Variants in WWOX observed in about 807,000 individuals in gnomAD.
The protein encoded by WWOX is WW domain containing oxidoreductase, also known as WW domain-containing oxidoreductase.
WWOX carries 69 observed loss-of-function variants against 46.2 expected under a neutral mutation model. That is an observed-to-expected ratio of 1.49 (90% CI 1.23 to 1.82). The LOEUF is 1.82. WWOX is among the 40% of genes most tolerant of loss of function. The pLI, the probability that WWOX is intolerant of heterozygous loss-of-function variation, is 0.00. For missense variants in WWOX, 919 were observed against 542.6 expected (o/e 1.69, Z -6.89); for synonymous variants, 359 against 202.6 (o/e 1.77, Z -6.56).
At position 78,903,311 on chromosome 16, in the gene WWOX, G is replaced by A. The variant is rs186902809; in HGVS notation, c.1057-308297G>A. On this transcript the variant is annotated intron_variant, in intron 8 of 8. Coordinates refer to ENST00000566780, the MANE Select transcript of WWOX (RefSeq NM_016373.4). ...ATATCACACTCCTATGCAAACATCT[G>A]ATTGGTTTTGGAAAGCAACCAATCA... Among the ~76,000 whole-genome samples the A allele has an allele frequency of 3.3e-5, 5 of 152,242 alleles. No individual in the cohort carries two copies. In the East Asian group the frequency reaches 9.7e-4, roughly 29 times the overall value.
chr16:78,144,157 G>C (rs2151710692), intron 4 of WWOX, among the ~76,000 whole-genome samples: 1 of 151,802 alleles, frequency 6.6e-6, no homozygotes, highest in South Asian at 2.1e-4. Flanking sequence ...TTAAAACCCT[G>C]GGTTGTATGC....
chr16:78,182,246 A>G (rs1205048557), intron 5 of WWOX, among the ~76,000 whole-genome samples: 2 of 152,188 alleles, frequency 1.3e-5, no homozygotes, highest in African/African-American at 2.4e-5. Context: ...AATGTTCATG[A>G]TGGTACCCGA....
At chr16:79,141,321 A>T (rs1206339321) in intron 8 of WWOX, among the ~76,000 whole-genome samples, 1 of 152,134 alleles carries the variant, frequency 6.6e-6, no homozygotes, top group Non-Finnish European at 1.5e-5. Context: ...TTGATGTCTC[A>T]TGTCTCCCTA....
rs549403934 is a variant in WWOX at position 78,537,894 on chromosome 16, C to T, written c.1056+105142C>T. Among the ~76,000 whole-genome samples the T allele has an allele frequency of 9.2e-5, 14 of 152,190 alleles. No individual in the cohort carries two copies. In the South Asian group the frequency reaches 2.1e-3, roughly 23 times the overall value. ...CCTCGGCCTTCTCCGGAAGGTTGTC[C>T]GCGGTGCCAGTGAGAGCTGCTTTTC... On this transcript the variant is annotated intron_variant, in intron 8 of 8. Transcript: ENST00000566780.
At chr16:78,898,972 C>G (rs1278761943) in intron 8 of WWOX, 1 of 152,086 alleles carries the variant, frequency 6.6e-6, no homozygotes, top group Non-Finnish European at 1.5e-5. Context: ...ATCCTGTGAT[C>G]TTAAAATTTA....
chr16:78,295,174 G>T (rs373551746), intron 5 of WWOX, among the ~76,000 whole-genome samples: 27 of 152,264 alleles, frequency 1.8e-4, no homozygotes, highest in South Asian at 1.0e-3. Flanking sequence ...TTGAGGTCTT[G>T]GCTGAAGATG....
At chr16:79,150,481 A>C (rs747001216) in intron 8 of WWOX, among the ~76,000 whole-genome samples, 1 of 152,150 alleles carries the variant, frequency 6.6e-6, no homozygotes, top group Admixed American at 6.5e-5. Context: ...TATGTCCCCA[A>C]TATAGGGAAG....
At chr16:78,123,158 T>A (rs2033178954) in intron 4 of WWOX, 1 of 152,074 alleles carries the variant, frequency 6.6e-6, no homozygotes, top group South Asian at 2.1e-4. Flanking sequence ...GTGTCGTGTT[T>A]GTTTCTTTTT....
At chr16:78,429,286 G>C (rs2083161632) in intron 7 of WWOX, among the ~76,000 whole-genome samples, 1 of 152,208 alleles carries the variant, frequency 6.6e-6, no homozygotes, top group Non-Finnish European at 1.5e-5. Context: ...GGCCAGTAAT[G>C]TCAGTGAACA....
chr16:78,689,791 G>A (rs1423551339), intron 8 of WWOX, among the ~76,000 whole-genome samples: 3 of 152,110 alleles, frequency 2.0e-5, no homozygotes, highest in Non-Finnish European at 2.9e-5. Flanking sequence ...CTTGACCCCT[G>A]TTGAAATAAT....
At position 78,271,604 on chromosome 16, in the gene WWOX, T is replaced by A. The variant is rs182790319; in HGVS notation, c.516+107315T>A. Among the ~76,000 whole-genome samples the A allele has an allele frequency of 2.1e-3, 327 of 152,326 alleles. 3 individuals are homozygous for A. The highest frequency in any genetic ancestry group is 7.5e-3 in the African/African-American group (312 of 41,572). On this transcript the variant is annotated intron_variant, in intron 5 of 8. Coordinates refer to ENST00000566780, the MANE Select transcript of WWOX (RefSeq NM_016373.4). The stretch of plus-strand genomic sequence containing the variant: ...GTTTTCCTTATAGGATGATAGAAGG[T>A]CAGTGCTTGTTCACCCCAGTGAGGT...
chr16:78,431,284 C>G lies in WWOX; in HGVS notation c.792-1204C>G, dbSNP rs1157065527. Among the ~76,000 whole-genome samples the G allele has an allele frequency of 2.6e-5, 4 of 152,298 alleles. No homozygotes were observed. The East Asian group carries it at 7.7e-4, about 29-fold the overall frequency. On this transcript the variant is annotated intron_variant, in intron 7 of 8. Transcript: ENST00000566780. Reference sequence around the variant, plus strand: ...AACATTAGATTTTGCCAGAACTCATCTTGGCTTTGTTTACATTTTTCTTTT... The same window carrying G: ...AACATTAGATTTTGCCAGAACTCATGTTGGCTTTGTTTACATTTTTCTTTT...
intron 8 of WWOX, among the ~76,000 whole-genome samples, chr16:78,604,265 A>G (rs1022113865): frequency 4.6e-5 from 7 of 152,096 alleles, no homozygotes; most frequent in Non-Finnish European, 8.8e-5. Flanking sequence ...ACCCTTCCTT[A>G]TTTTCTCTAC....
chr16:78,479,927 A>C (rs1035023793), intron 8 of WWOX, among the ~76,000 whole-genome samples: 1 of 152,166 alleles, frequency 6.6e-6, no homozygotes, highest in African/African-American at 2.4e-5. Context: ...ATGACAATGG[A>C]GCATCTAAGA....
chr16:79,153,131 A>G (rs1282806553), intron 8 of WWOX, among the ~76,000 whole-genome samples: 2 of 152,138 alleles, frequency 1.3e-5, no homozygotes, highest in East Asian at 1.9e-4. Context: ...TGGGCTTGCT[A>G]TATTTTTCAT....
At chr16:78,174,540 C>A (rs963060921) in intron 5 of WWOX, among the ~76,000 whole-genome samples, 1 of 152,224 alleles carries the variant, frequency 6.6e-6, no homozygotes, top group South Asian at 2.1e-4. Context: ...TTCTGACATG[C>A]TAAATACATT....
At chr16:78,369,337 A>G (rs551016791) in intron 5 of WWOX, among the ~76,000 whole-genome samples, 1 of 151,898 alleles carries the variant, frequency 6.6e-6, no homozygotes, top group East Asian at 1.9e-4. Flanking sequence ...GTGAAGCAAG[A>G]GAAAAAAACG....
intron 5 of WWOX, among the ~76,000 whole-genome samples, chr16:78,360,478 G>C (rs1303034110): frequency 6.6e-6 from 1 of 151,610 alleles, no homozygotes. Flanking sequence ...CCAGATACTT[G>C]GGAGGCTGAG....
chr16:78,706,528 T>C (rs1235949090), intron 8 of WWOX, among the ~76,000 whole-genome samples: 3 of 152,208 alleles, frequency 2.0e-5, no homozygotes, highest in African/African-American at 7.2e-5. Context: ...TATTCTTTCA[T>C]TCGTCAACTA....
Sources: allele counts gnomAD v4.1 joint callset (sites outside exome capture counted in the v4.1 genomes callset), GRCh38; gene constraint gnomAD v4.1.1; transcripts MANE v1.5; gene names NCBI Gene and HGNC (gene_info 2026-07-23, HGNC 2026-07-21).